The following KRT6B variants were observed in gnomAD, a reference collection of about 807,000 sequenced individuals.
KRT6B encodes the protein keratin, type II cytoskeletal 6B.
KRT6B carries 29 observed loss-of-function variants against 44.7 expected under a neutral mutation model. That is an observed-to-expected ratio of 0.65 (90% confidence interval 0.48 to 0.88). The LOEUF is 0.88. Among genes scored for constraint, KRT6B ranks in the 40% least tolerant of loss-of-function variants. The probability of loss-of-function intolerance (pLI) is 0.00; values close to 1 mark genes in which losing one functional copy is unlikely to be tolerated. For synonymous variants in KRT6B, 213 were observed against 296.0 expected (o/e 0.72, Z 2.88); for missense variants, 600 against 724.0 (o/e 0.83, Z 1.97).
intron 7 of KRT6B, 97 bp downstream of exon 7, chr12:52,447,681 C>T (rs1296028904): frequency 1.6e-5 from 26 of 1,613,778 alleles, no homozygotes; most frequent in Non-Finnish European, 2.2e-5. Flanking sequence ...CCAAGAAGAG[C>T]AATTATGGCC....
In KRT6B at chr12:52,447,045, A is replaced by G. The variant is rs1940321150; in HGVS notation, c.*145T>C. On this transcript the variant is annotated 3_prime_UTR_variant, in exon 9 of 9. Transcript: ENST00000252252. ...CAGGAGCTCAGTGGAACAGGTATTGATGAGAAGAAAAGTGAGGGCATCCCA... is the reference window on the plus strand; with the variant it reads ...CAGGAGCTCAGTGGAACAGGTATTGGTGAGAAGAAAAGTGAGGGCATCCCA... The G allele has an allele frequency of 1.0e-6, 1 of 957,366 alleles. No individual in the cohort carries two copies. Among genetic ancestry groups the G allele is most frequent in the Non-Finnish European group, 1.6e-6 (1 of 639,804 alleles). 59.3% of individuals were successfully genotyped at this position (957,366 alleles called of 1,614,324 possible). A position where few individuals can be genotyped will look rare whatever the true frequency, so the allele number is the denominator to read the frequency against.
chr12:52,447,310 G>T lies in KRT6B; in HGVS notation c.1575C>A (p.Gly525=), dbSNP rs766177343. The change falls in exon 9 of 9, where the codon GGC becomes GGA. Residue 525 remains glycine (G), a synonymous_variant. Coordinates refer to ENST00000252252, the MANE Select transcript of KRT6B (RefSeq NM_005555.4). Reference sequence around the variant, plus strand: ...CTCTGCCGCTGCTGGAACTAAAGCCGCCTCCAACGCCAAGACCACTGCCAT... The same window carrying T: ...CTCTGCCGCTGCTGGAACTAAAGCCTCCTCCAACGCCAAGACCACTGCCAT... ...YSYGSGLGVG[G]GFSSSSGRAT... is the part of the protein sequence containing the mutation. 1.2e-6 allele frequency: 2 copies of T among 1,614,024 alleles called. No homozygotes were observed. Among genetic ancestry groups the T allele is most frequent in the South Asian group, 1.1e-5 (1 of 91,078 alleles).
At chr12:52,451,513 C>T (rs373919036) in intron 1 of KRT6B, 26 bp downstream of exon 1, 20 of 1,613,522 alleles carry the variant, frequency 1.2e-5, no homozygotes, top group South Asian at 3.3e-5. Context: ...CTGAAGTGCC[C>T]GATGGAGGGC....
At position 52,449,767 on chromosome 12, in the gene KRT6B, C is replaced by G. The variant is rs781409851; in HGVS notation, c.903G>C (p.Leu301Phe). 2 of 1,613,880 alleles carry G rather than the reference C, an allele frequency of 1.2e-6. No homozygotes were observed. Among genetic ancestry groups the G allele is most frequent in the African/African-American group, 2.7e-5 (2 of 74,904 alleles). Residue 301 changes from leucine to phenylalanine, a missense_variant, in exon 4 of 9, where the codon TTG (leucine) becomes TTC (phenylalanine). Physicochemically the swap from Leu to Phe is conservative, Grantham distance 22. Transcript: ENST00000252252. The stretch of plus-strand genomic sequence containing the variant: ...TGGTGGAGTTGCTTACTGCATCATA[C>G]AAGGCTCTCAGGAAGTTGATCTCAT... ...LTDEINFLRA[L>F]YDAELSQMQT...
chr12:52,447,058 T>A lies in KRT6B; in HGVS notation c.*132A>T. 1 of 1,132,092 alleles carries A rather than the reference T, an allele frequency of 8.8e-7. No individual in the cohort carries two copies. Among genetic ancestry groups the A allele is most frequent in the Non-Finnish European group, 1.3e-6 (1 of 792,576 alleles). The allele number at this position is 1,132,092 out of a possible 1,614,324, so 70.1% of individuals were successfully genotyped here. On this transcript the variant is annotated 3_prime_UTR_variant, in exon 9 of 9. Coordinates refer to ENST00000252252, the MANE Select transcript of KRT6B (RefSeq NM_005555.4). ...GAACAGGTATTGATGAGAAGAAAAG[T>A]GAGGGCATCCCAGCTCTACCCGGGA...
In KRT6B at chr12:52,449,905, A is replaced by G. The variant is rs752672659; in HGVS notation, c.817-52T>C. ...TTGCCTGAGCTCACCTTTCCAATCT[A>G]CCCATCTTCTAGTCCTCCTGCCAAT... is the stretch of plus-strand genomic sequence containing the variant. On this transcript the variant is annotated intron_variant, in intron 3 of 8. Transcript: ENST00000252252. The G allele has an allele frequency of 1.9e-6, 3 of 1,613,680 alleles. No individual in the cohort carries two copies. In the South Asian group the frequency reaches 3.3e-5, roughly 18 times the overall value.
rs1472131132 is a variant in KRT6B, at chr12:52,450,472, C to T, written c.689G>A (p.Gly230Glu). ...NLRRQLDNIV[G>E]ERGRLDSELR... ...CTCCGAGTCCAGACGACCCCGTTCCCCCACGATGTTGTCCAGCTGCCTCCT... is the reference window on the plus strand; with the variant it reads ...CTCCGAGTCCAGACGACCCCGTTCCTCCACGATGTTGTCCAGCTGCCTCCT... Residue 230 changes from glycine (G) to glutamate (E), a missense_variant, in exon 2 of 9, where the codon GGG becomes GAG. Physicochemically the swap from Gly to Glu is moderately conservative, Grantham distance 98. Coordinates refer to ENST00000252252, the MANE Select transcript of KRT6B (RefSeq NM_005555.4). 6.2e-7 allele frequency: 1 copy of T among 1,614,212 alleles called. No homozygotes were observed. The highest frequency in any genetic ancestry group is 1.1e-5 in the South Asian group (1 of 91,078).
chr12:52,447,847 A>G lies in KRT6B; in HGVS notation c.1355T>C (p.Met452Thr), dbSNP rs368909076. ...ARLLKEYQEL[M>T]NVKLALDVEI... ...CACATCCAGGGCCAGCTTGACGTTC[A>G]TCAGCTCCTGGTACTCCTTCAGCAG... is the stretch of plus-strand genomic sequence containing the variant. The change falls in exon 7 of 9, where the codon ATG becomes ACG. Residue 452 changes from methionine to threonine, a missense_variant. By Grantham distance (81) the Met-to-Thr change is moderately conservative. Around this residue, in one of 4 missense-constraint regions of KRT6B, gnomAD observed 479 missense variants for 454.2 expected, o/e 1.05. Coordinates refer to ENST00000252252, the MANE Select transcript of KRT6B (RefSeq NM_005555.4). 2.3e-5 allele frequency: 37 copies of G among 1,614,034 alleles called. 1 individual carries two copies. The highest frequency in any genetic ancestry group is 5.5e-5 in the South Asian group (5 of 91,084).
rs149495966 is a variant in KRT6B at position 52,447,276 on chromosome 12, C to T, written c.1609G>A (p.Gly537Ser). Reference sequence around the variant, plus strand: ...CCGCCTCCAACAGAGCTGAGGCCACCCCCAGTGGCTCTGCCGCTGCTGGAA... The same window carrying T: ...CCGCCTCCAACAGAGCTGAGGCCACTCCCAGTGGCTCTGCCGCTGCTGGAA... ...FSSSSGRATGGGLSSVGGGSS... is the reference protein window; with the variant it reads ...FSSSSGRATGSGLSSVGGGSS... Residue 537 changes from glycine (G) to serine (S), a missense_variant, in exon 9 of 9, where the codon GGT becomes AGT. Around this residue, in one of 4 missense-constraint regions of KRT6B, gnomAD observed 479 missense variants for 454.2 expected, o/e 1.05. Coordinates refer to ENST00000252252, the MANE Select transcript of KRT6B (RefSeq NM_005555.4). The T allele has an allele frequency of 1.4e-5, 23 of 1,613,880 alleles. No homozygotes were observed. The highest frequency in any genetic ancestry group is 2.2e-5 in the East Asian group (1 of 44,894).
intron 7 of KRT6B, 94 bp from the exon 8 acceptor site, chr12:52,447,667 T>G: frequency 6.2e-7 from 1 of 1,613,910 alleles, no homozygotes. Context: ...CTTTTAGTTT[T>G]CTCCCAAGAA....
At chr12:52,450,727 A>T (rs1940390507) in intron 1 of KRT6B, 107 bp from the exon 2 acceptor site, 1 of 1,525,568 alleles carries the variant, frequency 6.6e-7, no homozygotes, top group African/African-American at 1.4e-5. Flanking sequence ...CTGGGCTACT[A>T]CAGTGCATGT....
rs1445408084 is a variant in KRT6B, at chr12:52,451,942, C to A, written c.137G>T (p.Gly46Val). 1 of 1,613,136 alleles carries A rather than the reference C, an allele frequency of 6.2e-7. No homozygotes were observed. The highest frequency in any genetic ancestry group is 2.2e-5 in the East Asian group (1 of 44,906). Residue 46 changes from glycine to valine, a missense_variant, in exon 1 of 9, where the codon GGC (glycine) becomes GTC (valine). Around this residue, in one of 4 missense-constraint regions of KRT6B, gnomAD observed 78 missense variants for 97.5 expected, o/e 0.80. Coordinates refer to ENST00000252252, the MANE Select transcript of KRT6B (RefSeq NM_005555.4). ...ISVSRSRGSG[G>V]LGGACGGAGF... ...AGCTCCTCCACATGCGCCACCCAGGCCACCACTGCCCCTGGAGCGGGACAC... is the reference window on the plus strand; with the variant it reads ...AGCTCCTCCACATGCGCCACCCAGGACACCACTGCCCCTGGAGCGGGACAC...
In KRT6B at chr12:52,452,052, C is replaced by G. The variant is rs1471243579; in HGVS notation, c.27G>C (p.Arg9Ser). The G allele has an allele frequency of 2.7e-5, 43 of 1,613,938 alleles. No individual in the cohort carries two copies. In the Admixed American group the frequency reaches 7.0e-4, roughly 26 times the overall value. Residue 9 changes from arginine (R) to serine (S), a missense_variant, in exon 1 of 9, where the codon AGG becomes AGC. Arg to Ser is a moderately radical substitution (Grantham distance 110). Around this residue, in one of 4 missense-constraint regions of KRT6B, gnomAD observed 78 missense variants for 97.5 expected, o/e 0.80. Transcript: ENST00000252252. Reference sequence around the variant, plus strand: ...AACCCCGGCGGCTGCTGCTGTGGCTCCTGATGGTGGTGGATGTGCTGGCCA... The same window carrying G: ...AACCCCGGCGGCTGCTGCTGTGGCTGCTGATGGTGGTGGATGTGCTGGCCA... MASTSTTI[R>S]SHSSSRRGFS...
chr12:52,449,352 T>G, intron 5 of KRT6B, 117 bp downstream of exon 5: 1 of 1,443,496 alleles, frequency 6.9e-7, no homozygotes, highest in South Asian at 1.1e-5. Context: ...GCAGAGTGCA[T>G]GTCCTGTGAG....
In KRT6B at chr12:52,446,773, G is replaced by T; in HGVS notation, c.*417C>A. On this transcript the variant is annotated 3_prime_UTR_variant, in exon 9 of 9. Coordinates refer to ENST00000252252, the MANE Select transcript of KRT6B (RefSeq NM_005555.4). Reference sequence around the variant, plus strand: ...CTTGCCATTCAGGGACACTGCAAGAGAAGATCAGGACAACTGACTTGTCAG... The same window carrying T: ...CTTGCCATTCAGGGACACTGCAAGATAAGATCAGGACAACTGACTTGTCAG... The T allele has an allele frequency of 4.0e-6, 1 of 252,462 alleles. No homozygotes were observed. Among genetic ancestry groups the T allele is most frequent in the Non-Finnish European group, 7.6e-6 (1 of 131,226 alleles). The allele number at this position is 252,462 out of a possible 1,614,324, so 15.6% of individuals were successfully genotyped here.
chr12:52,449,959 G>T (rs571489073), intron 3 of KRT6B, 53 bp downstream of exon 3: 1 of 1,613,724 alleles, frequency 6.2e-7, no homozygotes, highest in African/African-American at 1.3e-5. Context: ...CGAGGACACA[G>T]AGCCACTTCT....
chr12:52,446,750 T>A lies in KRT6B; in HGVS notation c.*440A>T, dbSNP rs1940316352. The A allele has an allele frequency of 4.5e-6, 1 of 224,256 alleles. No individual in the cohort carries two copies. The highest frequency in any genetic ancestry group is 8.7e-5 in the South Asian group (1 of 11,532). 13.9% of individuals were successfully genotyped at this position (224,256 alleles called of 1,614,324 possible). ...AGACTGCATCAGAAGGTACATCACT[T>A]GCCATTCAGGGACACTGCAAGAGAA... On this transcript the variant is annotated 3_prime_UTR_variant, in exon 9 of 9. Coordinates refer to ENST00000252252, the MANE Select transcript of KRT6B (RefSeq NM_005555.4).
intron 6 of KRT6B, among the ~76,000 whole-genome samples, chr12:52,448,408 C>T (rs1242681247): frequency 1.3e-5 from 2 of 152,174 alleles, no homozygotes; most frequent in African/African-American, 2.4e-5. Flanking sequence ...TTCCTCCTGC[C>T]TCACATCCTC....
In KRT6B at chr12:52,450,763, C is replaced by G. The variant is rs1404180507; in HGVS notation, c.541-143G>C. Reference sequence around the variant, plus strand: ...AGAGAGGCTCAGGCTGAGCTCTGCTCCCCCAACTCCTTCTCCTTTGCACCC... The same window carrying G: ...AGAGAGGCTCAGGCTGAGCTCTGCTGCCCCAACTCCTTCTCCTTTGCACCC... On this transcript the variant is annotated intron_variant, in intron 1 of 8. Coordinates refer to ENST00000252252, the MANE Select transcript of KRT6B (RefSeq NM_005555.4). The G allele has an allele frequency of 3.0e-6, 4 of 1,322,238 alleles. No homozygotes were observed. In the African/African-American group the frequency reaches 6.1e-5, roughly 20 times the overall value. 81.9% of individuals were successfully genotyped at this position (1,322,238 alleles called of 1,614,324 possible).
Sources: gnomAD v4.1 joint callset for allele counts (sites outside exome capture counted in the v4.1 genomes callset) on GRCh38, gnomAD v4.1.1 for gene constraint, gnomAD v4.1.1 regional missense constraint, MANE v1.5 for transcripts, NCBI Gene and HGNC (gene_info 2026-07-23, HGNC 2026-07-21) for gene names.